The following FLRT1 variants were observed in gnomAD, a reference collection of about 807,000 sequenced individuals.
FLRT1 encodes leucine-rich repeat transmembrane protein FLRT1.
Under a neutral mutation model 30.9 loss-of-function variants are expected in FLRT1, and 14 were observed. The ratio of observed to expected loss-of-function variants is 0.45; its 90% CI spans 0.30 to 0.71. The LOEUF (loss-of-function observed/expected upper bound fraction) is 0.71. Ranked by LOEUF, FLRT1 falls within the 30% of genes least tolerant of loss-of-function variation. The pLI, the probability that FLRT1 is intolerant of heterozygous loss-of-function variation, is 0.08. For missense variants in FLRT1, 737 were observed against 949.2 expected, an observed-to-expected ratio of 0.78 and a Z score of 2.94; for synonymous variants, 368 against 430.4, an observed-to-expected ratio of 0.85 and a Z score of 1.80.
At chr11:64,098,579 C>G (rs1944618697) in intron 1 of FLRT1, among the ~76,000 whole-genome samples, 1 of 152,200 alleles carries the variant, frequency 6.6e-6, no homozygotes, top group African/African-American at 2.4e-5. Flanking sequence ...GATGGCCATC[C>G]TGGTAGGGGG....
intron 1 of FLRT1, among the ~76,000 whole-genome samples, chr11:64,051,548 G>A (rs563954455): frequency 4.6e-5 from 7 of 152,348 alleles, no homozygotes; most frequent in African/African-American, 1.7e-4. Flanking sequence ...CAGGCTAACA[G>A]CTGTTTGTGC....
At chr11:64,113,248 C>G (rs1944893012) in intron 2 of FLRT1, among the ~76,000 whole-genome samples, 1 of 152,228 alleles carries the variant, frequency 6.6e-6, no homozygotes, top group South Asian at 2.1e-4. Flanking sequence ...AAGTTCTCAG[C>G]AAAGCCTTTA....
At position 64,036,492 on chromosome 11, in the gene FLRT1, C is replaced by T. The variant is rs940150081; in HGVS notation, c.-1038+333C>T. On this transcript the variant is annotated intron_variant, in intron 1 of 2. Transcript: ENST00000682287. The surrounding 1 kb of genome is among the most constrained non-coding windows in gnomAD (Gnocchi z 5.6). ...TAGTCCAAGCCCTCGCTGCACCCCCCAGGGAGGGGGCCTGGCCCGTGGGGG... is the reference window on the plus strand; with the variant it reads ...TAGTCCAAGCCCTCGCTGCACCCCCTAGGGAGGGGGCCTGGCCCGTGGGGG... Among the ~76,000 whole-genome samples, 1 of 151,890 alleles carries T rather than the reference C, an allele frequency of 6.6e-6. No individual in the cohort carries two copies. The highest frequency in any genetic ancestry group is 2.1e-4 in the South Asian group (1 of 4,828).
intron 2 of FLRT1, among the ~76,000 whole-genome samples, 198 bp from the exon 3 acceptor site, chr11:64,116,021 A>G (rs1405517978): frequency 6.6e-6 from 1 of 152,194 alleles, no homozygotes; most frequent in Non-Finnish European, 1.5e-5. Context: ...ATGTTGTTAG[A>G]GTCCGACCTC....
chr11:64,105,282 C>T (rs570656780), intron 2 of FLRT1, among the ~76,000 whole-genome samples: 2 of 152,280 alleles, frequency 1.3e-5, no homozygotes, highest in South Asian at 2.1e-4. Context: ...TAGGAGGGCT[C>T]GGGGGTCATT....
rs200253771 is a variant in FLRT1 at position 64,118,324 on chromosome 11, C to T, written c.*32C>T. On this transcript the variant is annotated 3_prime_UTR_variant, in exon 3 of 3. Transcript: ENST00000682287. Reference sequence around the variant, plus strand: ...CCCACCCGGGCTGCCCCGCCTCAGCCCCAGCTGCCCTGGCGTGGCCATGTG... The same window carrying T: ...CCCACCCGGGCTGCCCCGCCTCAGCTCCAGCTGCCCTGGCGTGGCCATGTG... 6.8e-3 allele frequency: 10,384 copies of T among 1,525,760 alleles called. 51 individuals are homozygous for T. Among genetic ancestry groups the T allele is most frequent in the Non-Finnish European group, 8.2e-3 (9,253 of 1,132,312 alleles). The allele number at this position is 1,525,760 out of a possible 1,614,324, so 94.5% of individuals were successfully genotyped here. A position where few individuals can be genotyped will look rare whatever the true frequency, so the allele number is the denominator to read the frequency against.
intron 2 of FLRT1, among the ~76,000 whole-genome samples, chr11:64,109,542 G>A (rs1230763419): frequency 6.6e-6 from 1 of 152,090 alleles, no homozygotes; most frequent in Non-Finnish European, 1.5e-5. Context: ...GACTTCTCAG[G>A]GGTGGGAGTG....
rs545958691 is a variant in FLRT1, at chr11:64,036,990, G to A, written c.-1038+831G>A. On this transcript the variant is annotated intron_variant, in intron 1 of 2. Coordinates refer to ENST00000682287, the MANE Select transcript of FLRT1 (RefSeq NM_013280.5). The surrounding 1 kb of genome is among the most constrained non-coding windows in gnomAD (Gnocchi z 5.6). ...GAAAGTTGTGGAACAGGGACACCAG[G>A]GAGCTGCCACAGCCTTCCCGGTGGC... Among the ~76,000 whole-genome samples, 128 of 152,358 alleles carry A rather than the reference G, an allele frequency of 8.4e-4. No homozygotes were observed. Among genetic ancestry groups the A allele is most frequent in the Non-Finnish European group, 1.4e-3 (97 of 68,026 alleles).
intron 1 of FLRT1, among the ~76,000 whole-genome samples, chr11:64,042,183 C>G (rs1369583215): frequency 1.3e-5 from 2 of 152,188 alleles, no homozygotes; most frequent in African/African-American, 2.4e-5. Flanking sequence ...CATGCACACA[C>G]TCTTGCACAC....
intron 1 of FLRT1, among the ~76,000 whole-genome samples, chr11:64,059,587 G>A (rs930496359): frequency 6.6e-6 from 1 of 152,162 alleles, no homozygotes; most frequent in African/African-American, 2.4e-5. Flanking sequence ...AGGCTGGAAG[G>A]TGTGTGTGCC....
intron 1 of FLRT1, among the ~76,000 whole-genome samples, chr11:64,070,875 G>C (rs1197828911): frequency 6.6e-6 from 1 of 152,072 alleles, no homozygotes; most frequent in Non-Finnish European, 1.5e-5. Flanking sequence ...AATGAATGGG[G>C]CCCCCCTCTG....
intron 1 of FLRT1, among the ~76,000 whole-genome samples, chr11:64,077,408 C>T (rs1281634986): frequency 6.6e-6 from 1 of 152,198 alleles, no homozygotes; most frequent in Non-Finnish European, 1.5e-5. Flanking sequence ...CCCTCCCCAG[C>T]TGTGCCCCGT....
intron 1 of FLRT1, among the ~76,000 whole-genome samples, chr11:64,043,975 G>A (rs1943537451): frequency 6.6e-6 from 1 of 151,954 alleles, no homozygotes; most frequent in African/African-American, 2.4e-5. Context: ...CACCACGCCG[G>A]GCTAATTTTT....
At position 64,095,687 on chromosome 11, in the gene FLRT1, G is replaced by A. The variant is rs1483069019; in HGVS notation, c.-1037-7507G>A. ...TGGACTGGAATCCCCAGCTCACAGC[G>A]GAGGTCTGAGGAGGGCTGGGTTTCT... On this transcript the variant is annotated intron_variant, in intron 1 of 2. Coordinates refer to ENST00000682287, the MANE Select transcript of FLRT1 (RefSeq NM_013280.5). Among the ~76,000 whole-genome samples the A allele has an allele frequency of 5.9e-5, 9 of 152,234 alleles. No homozygotes were observed. The South Asian group carries it at 1.0e-3, about 18-fold the overall frequency.
At chr11:64,037,275 G>A (rs965278434) in intron 1 of FLRT1, among the ~76,000 whole-genome samples, 1 of 152,268 alleles carries the variant, frequency 6.6e-6, no homozygotes, top group Admixed American at 6.5e-5. Flanking sequence ...TCTGTGGGGG[G>A]GACCCACGAT....
At chr11:64,037,507 G>A (rs1477000002) in intron 1 of FLRT1, among the ~76,000 whole-genome samples, 2 of 152,216 alleles carry the variant, frequency 1.3e-5, no homozygotes, top group African/African-American at 4.8e-5. Context: ...AAATGGAAAT[G>A]GCCTGAGCTG....
In FLRT1 at chr11:64,116,874, C is replaced by G; in HGVS notation, c.607C>G (p.Leu203Val). Residue 203 changes from leucine (L) to valine (V), a missense_variant, in exon 3 of 3, where the codon CTG becomes GTG. Leu to Val is a conservative substitution (Grantham distance 32). Coordinates refer to ENST00000682287, the MANE Select transcript of FLRT1 (RefSeq NM_013280.5). ...PSGLPHTLEE[L>V]RLDDNRISTI... Reference sequence around the variant, plus strand: ...GGGGCTGCCGCACACGCTGGAGGAGCTGCGGCTGGATGACAACCGCATCTC... The same window carrying G: ...GGGGCTGCCGCACACGCTGGAGGAGGTGCGGCTGGATGACAACCGCATCTC... The G allele has an allele frequency of 6.2e-7, 1 of 1,611,932 alleles. No homozygotes were observed. The highest frequency in any genetic ancestry group is 8.5e-7 in the Non-Finnish European group (1 of 1,179,986).
intron 1 of FLRT1, among the ~76,000 whole-genome samples, chr11:64,058,044 A>G (rs1943823416): frequency 1.3e-5 from 2 of 152,212 alleles, no homozygotes; most frequent in Admixed American, 6.5e-5. Flanking sequence ...GTAATGCGCA[A>G]TGTAATCTGC....
At chr11:64,094,830 T>C (rs1944549467) in intron 1 of FLRT1, among the ~76,000 whole-genome samples, 1 of 152,198 alleles carries the variant, frequency 6.6e-6, no homozygotes, top group South Asian at 2.1e-4. Flanking sequence ...GAACTGAGGC[T>C]GAAGCACTTC....
Sources: allele counts gnomAD v4.1 joint callset (sites outside exome capture counted in the v4.1 genomes callset), GRCh38; gene constraint gnomAD v4.1.1; non-coding constraint Gnocchi (gnomAD v3.1); transcripts MANE v1.5; gene names NCBI Gene and HGNC (gene_info 2026-07-23, HGNC 2026-07-21).